ARSL: variants seen among roughly 807,000 people sequenced by gnomAD.
ARSL encodes arylsulfatase L, also known as arylsulfatase E (chondrodysplasia punctata 1).
A neutral mutation model predicts 31.1 loss-of-function variants in ARSL; 4 were observed. That is an observed-to-expected ratio of 0.13 (90% CI 0.06 to 0.29). The LOEUF (loss-of-function observed/expected upper bound fraction) is 0.29. Ranked by LOEUF, ARSL falls within the 10% of genes least tolerant of loss-of-function variation. The pLI is 1.00. For synonymous variants in ARSL, 198 were observed against 209.9 expected (o/e 0.94, Z 0.49); for missense variants, 312 against 497.8 (o/e 0.63, Z 3.55).
At chrX:2,959,439 C>T (rs1444376906) in intron 2 of ARSL, among the ~76,000 whole-genome samples, 2 of 111,494 alleles carry the variant, frequency 1.8e-5, no homozygotes, top group Non-Finnish European at 3.8e-5. Flanking sequence ...CCTCTTTCAT[C>T]GATGCCACCC....
upstream of ARSL, among the ~76,000 whole-genome samples, chrX:2,966,932 T>TATAC (rs1256768405): frequency 9.0e-6 from 1 of 110,929 alleles, no homozygotes; most frequent in Non-Finnish European, 1.9e-5. Flanking sequence ...TGCATGTATA[T>TATAC]ATACATACAT....
At position 2,948,993 on chromosome X, in the gene ARSL, C is replaced by T. The variant is rs185059215; in HGVS notation, c.854+311G>A. 1.0e-3 allele frequency among the ~76,000 whole-genome samples: 113 copies of T among 109,849 alleles called. 1 individual carries two copies. Among genetic ancestry groups the T allele is most frequent in the African/African-American group, 3.5e-3 (106 of 30,161 alleles). On this transcript the variant is annotated intron_variant, in intron 6 of 10. Transcript: ENST00000381134. ...GCTGGAGTGCAGTGATGTGACCTCA[C>T]CTCCCTGCAACCTCCACCTCCCAGG...
At chrX:2,959,930 A>G in intron 2 of ARSL, 1 of 259,540 alleles carries the variant, frequency 3.9e-6, no homozygotes. Context: ...GAAGGAAGGA[A>G]GAAAGAGAGA....
Position 2,960,987 on chromosome X carries a change from A to G in ARSL, c.-20-567T>C, listed in dbSNP as rs140316797. 1.1e-4 allele frequency among the ~76,000 whole-genome samples: 12 copies of G among 109,869 alleles called. 1 individual carries two copies. The highest frequency in any genetic ancestry group is 3.8e-4 in the African/African-American group (11 of 29,318). Reference sequence around the variant, plus strand: ...GAATCCCAGCACTTTGGGAGGCGGAAGTGGGAGGATTTGCTTGAGCCCAGG... The same window carrying G: ...GAATCCCAGCACTTTGGGAGGCGGAGGTGGGAGGATTTGCTTGAGCCCAGG... On this transcript the variant is annotated intron_variant, in intron 1 of 10. Transcript: ENST00000381134.
At chrX:2,948,007 A>G (rs1367300677) in intron 6 of ARSL, among the ~76,000 whole-genome samples, 1 of 112,762 alleles carries the variant, frequency 8.9e-6, no homozygotes, top group Admixed American at 9.4e-5. Flanking sequence ...CTGTAATCCC[A>G]GCTACTTGGG....
intron 10 of ARSL, among the ~76,000 whole-genome samples, chrX:2,935,915 T>TA (rs2089194780): frequency 9.0e-6 from 1 of 110,895 alleles, no homozygotes; most frequent in Admixed American, 9.6e-5. Flanking sequence ...TAAAATAGAC[T>TA]ACAAAAGGCT....
chrX:2,944,251 C>G (rs186786692), intron 7 of ARSL, among the ~76,000 whole-genome samples: 5 of 108,621 alleles, frequency 4.6e-5, no homozygotes, highest in East Asian at 2.9e-4. Flanking sequence ...GTCAGCAGTT[C>G]GAGACCAGCC....
intron 4 of ARSL, 116 bp downstream of exon 4, chrX:2,955,296 TAGAG>T: frequency 1.1e-6 from 1 of 931,422 alleles, no homozygotes; most frequent in Non-Finnish European, 1.5e-6. Context: ...ATGGGCAAGA[TAGAG>T]AGAACACCCC....
chrX:2,964,445 G>A (rs981633453), upstream of ARSL: 9 of 750,399 alleles, frequency 1.2e-5, no homozygotes, highest in Middle Eastern at 1.5e-3. Flanking sequence ...CCACGCCCAC[G>A]TCTACCAAAC....
intron 7 of ARSL, 101 bp downstream of exon 7, chrX:2,945,897 C>A (rs2089372069): frequency 9.1e-7 from 1 of 1,097,783 alleles, no homozygotes; most frequent in Non-Finnish European, 1.3e-6. Context: ...ACTGCAATCG[C>A]TATTCTGCAT....
At position 2,944,324 on chromosome X, in the gene ARSL, G is replaced by T. The variant is rs1315862445; in HGVS notation, c.992-1125C>A. 4.0e-4 allele frequency among the ~76,000 whole-genome samples: 44 copies of T among 108,718 alleles called. 1 individual carries two copies. The highest frequency in any genetic ancestry group is 4.1e-4 in the South Asian group (1 of 2,440). 94.4% of individuals were successfully genotyped at this position (108,718 alleles called of 115,157 possible). On this transcript the variant is annotated intron_variant, in intron 7 of 10. Transcript: ENST00000381134. ...CAAAAATTAGCCAGGCATGGTGGCG[G>T]GTGCCTGTAAACCCAGCTACTCCGG...
chrX:2,944,522 C>G (rs1362500309), intron 7 of ARSL, among the ~76,000 whole-genome samples: 1 of 109,073 alleles, frequency 9.2e-6, no homozygotes, highest in Non-Finnish European at 1.9e-5. Flanking sequence ...CACACACACA[C>G]ACAATTAACT....
chrX:2,948,624 G>T (rs1461560796), intron 6 of ARSL, among the ~76,000 whole-genome samples: 1 of 111,192 alleles, frequency 9.0e-6, no homozygotes, highest in Non-Finnish European at 1.9e-5. Context: ...CCAAGTAGCT[G>T]GGCCTACAAG....
intron 4 of ARSL, among the ~76,000 whole-genome samples, chrX:2,954,284 C>A (rs1328292142): frequency 9.0e-6 from 1 of 110,998 alleles, no homozygotes; most frequent in Non-Finnish European, 1.9e-5. Flanking sequence ...AATCTCTACC[C>A]AAGGGTTTTT....
At chrX:2,944,175 G>A (rs1247010262) in intron 7 of ARSL, among the ~76,000 whole-genome samples, 2 of 109,146 alleles carry the variant, frequency 1.8e-5, no homozygotes, top group Non-Finnish European at 3.8e-5. Flanking sequence ...GACCCTGTCG[G>A]CCAGGCGCAG....
intron 10 of ARSL, among the ~76,000 whole-genome samples, chrX:2,936,054 C>G (rs1478051785): frequency 1.8e-5 from 2 of 110,995 alleles, no homozygotes. Context: ...AAATTGGAGA[C>G]CAGGCGTGGT....
chrX:2,935,707 T>TTTTTTTTTTA (rs2089191118), intron 10 of ARSL, among the ~76,000 whole-genome samples: 1 of 83,716 alleles, frequency 1.2e-5, no homozygotes, highest in African/African-American at 4.0e-5. Context: ...TTTTTTTTTT[T>TTTTTTTTTTA]ATTTGAGACA....
chrX:2,945,029 G>T (rs745689504), intron 7 of ARSL, among the ~76,000 whole-genome samples: 2 of 110,341 alleles, frequency 1.8e-5, no homozygotes, highest in Non-Finnish European at 3.8e-5. Context: ...AGAAGAAGAG[G>T]GGGAGGAGGA....
At position 2,960,382 on chromosome X, in the gene ARSL, A is replaced by G; in HGVS notation, c.19T>C (p.Ser7Pro). 1.7e-6 allele frequency: 2 copies of G among 1,186,937 alleles called. No homozygotes were observed. The highest frequency in any genetic ancestry group is 3.6e-5 in the South Asian group (2 of 56,088). The change falls in exon 2 of 11, where the codon TCT becomes CCT. Residue 7 changes from serine to proline, a missense_variant. By Grantham distance (74) the Ser-to-Pro change is moderately conservative. Transcript: ENST00000381134. Reference protein sequence around the residue: MLHLHHSCLCFRSWLPA... With the variant: MLHLHHPCLCFRSWLPA... ...GTGCATATAATTGTATCTTACCAAG[A>G]ATGGTGCAGATGTAACATGTTGTCT...
Sources: gnomAD v4.1 joint callset for allele counts (sites outside exome capture counted in the v4.1 genomes callset) on GRCh38, gnomAD v4.1.1 for gene constraint, MANE v1.5 for transcripts, NCBI Gene and HGNC (gene_info 2026-07-23, HGNC 2026-07-21) for gene names.